Variants in XKR4 observed in about 807,000 individuals in gnomAD.
The protein encoded by XKR4 is XK related 4, also known as XK-related protein 4.
XKR4 carries 12 observed loss-of-function variants against 53.9 expected under a neutral mutation model. The observed-to-expected ratio is 0.22, with a 90% CI of 0.14 to 0.36. The LOEUF is 0.36. XKR4 is among the 10% of genes least tolerant of loss of function. XKR4 has a pLI of 1.00. For missense variants in XKR4, 799 were observed against 859.5 expected, an observed-to-expected ratio of 0.93 and a Z score of 0.88; for synonymous variants, 354 against 362.4, an observed-to-expected ratio of 0.98 and a Z score of 0.26.
At chr8:55,231,267 A>C (rs534947402) in intron 1 of XKR4, among the ~76,000 whole-genome samples, 1 of 152,226 alleles carries the variant, frequency 6.6e-6, no homozygotes, top group African/African-American at 2.4e-5. Flanking sequence ...TACGCAATTG[A>C]AACCTTTCCT....
intron 1 of XKR4, among the ~76,000 whole-genome samples, chr8:55,103,557 C>T (rs1310968125): frequency 2.0e-5 from 3 of 152,060 alleles, no homozygotes; most frequent in Non-Finnish European, 2.9e-5. Context: ...CTCTGCCTTA[C>T]TGGCTTCTTG....
rs147598405 is a variant in XKR4, at chr8:55,239,373, CT to C, written c.807-118299del. ...AAAGCCTGTGCTCAACCATATGATA[CT>C]TTTTTATATGCAAAAGACATACTGC... On this transcript the variant is annotated intron_variant, in intron 1 of 2. Coordinates refer to ENST00000327381, the MANE Select transcript of XKR4 (RefSeq NM_052898.2). Among the ~76,000 whole-genome samples the C allele has an allele frequency of 9.6e-3, 1,455 of 152,304 alleles. 18 individuals carry two copies. The highest frequency in any genetic ancestry group is 0.031 in the Middle Eastern group (9 of 294).
intron 2 of XKR4, among the ~76,000 whole-genome samples, chr8:55,447,918 C>T (rs979331873): frequency 1.3e-5 from 2 of 152,152 alleles, no homozygotes; most frequent in African/African-American, 4.8e-5. Context: ...GTAACATTAA[C>T]CTCTCACAGT....
At chr8:55,444,723 G>A (rs959156049) in intron 2 of XKR4, among the ~76,000 whole-genome samples, 1 of 152,140 alleles carries the variant, frequency 6.6e-6, no homozygotes, top group Non-Finnish European at 1.5e-5. Context: ...CTGCTAATGG[G>A]AATGTATGTT....
At chr8:55,159,166 G>C (rs1023629162) in intron 1 of XKR4, among the ~76,000 whole-genome samples, 1 of 152,042 alleles carries the variant, frequency 6.6e-6, no homozygotes, top group Non-Finnish European at 1.5e-5. Flanking sequence ...GCAGTATTTT[G>C]TATCTCCACA....
In XKR4 at chr8:55,474,626, G is replaced by A. The variant is rs2939660; in HGVS notation, c.1007-48655G>A. Among the ~76,000 whole-genome samples the A allele has an allele frequency of 3.2e-3, 492 of 152,256 alleles. 3 individuals carry two copies. Among genetic ancestry groups the A allele is most frequent in the Non-Finnish European group, 4.8e-3 (325 of 68,020 alleles). Reference sequence around the variant, plus strand: ...ATAGACAAAAATTGGGGGCATTTAAGTTATTATTGGAGCAGATGCTGAGTA... The same window carrying A: ...ATAGACAAAAATTGGGGGCATTTAAATTATTATTGGAGCAGATGCTGAGTA... On this transcript the variant is annotated intron_variant, in intron 2 of 2. Transcript: ENST00000327381.
intron 1 of XKR4, among the ~76,000 whole-genome samples, chr8:55,156,096 G>A (rs561126349): frequency 1.3e-5 from 2 of 152,210 alleles, no homozygotes; most frequent in Admixed American, 6.5e-5. Context: ...AACCCAGGAA[G>A]GTGGCCTTTA....
chr8:55,436,903 G>A (rs558874698), intron 2 of XKR4, among the ~76,000 whole-genome samples: 1 of 152,242 alleles, frequency 6.6e-6, no homozygotes, highest in East Asian at 1.9e-4. Flanking sequence ...CATTCTGAGG[G>A]GGGTCTCAGA....
rs1332251065 is a variant in XKR4 at position 55,428,896 on chromosome 8, A to C, written c.1006+71019A>C. 2.0e-5 allele frequency among the ~76,000 whole-genome samples: 3 copies of C among 152,268 alleles called. No individual in the cohort carries two copies. The East Asian group carries it at 5.8e-4, about 29-fold the overall frequency. ...ATGCAATTCCTATCAAAATCTCAGCAATAGTGTTTCTAGATAAAGACAAAA... is the reference window on the plus strand; with the variant it reads ...ATGCAATTCCTATCAAAATCTCAGCCATAGTGTTTCTAGATAAAGACAAAA... On this transcript the variant is annotated intron_variant, in intron 2 of 2. Coordinates refer to ENST00000327381, the MANE Select transcript of XKR4 (RefSeq NM_052898.2).
chr8:55,464,909 C>T (rs1425181839), intron 2 of XKR4, among the ~76,000 whole-genome samples: 5 of 152,026 alleles, frequency 3.3e-5, no homozygotes, highest in African/African-American at 7.3e-5. Context: ...GAATAAAATA[C>T]CTAGGAATCC....
intron 2 of XKR4, among the ~76,000 whole-genome samples, chr8:55,381,543 C>T (rs558503073): frequency 1.3e-3 from 194 of 152,208 alleles, no homozygotes; most frequent in Non-Finnish European, 2.3e-3. Flanking sequence ...TTTTGATGTC[C>T]GAGGGGAGGA....
At chr8:55,216,834 C>T (rs966098277) in intron 1 of XKR4, among the ~76,000 whole-genome samples, 4 of 149,176 alleles carry the variant, frequency 2.7e-5, no homozygotes. Flanking sequence ...AATGGAAAAG[C>T]AAGTCATGAG....
At chr8:55,187,515 C>T (rs148715208) in intron 1 of XKR4, among the ~76,000 whole-genome samples, 1 of 152,218 alleles carries the variant, frequency 6.6e-6, no homozygotes, top group East Asian at 1.9e-4. Flanking sequence ...TGAGTCAAGT[C>T]GACCAGTGTC....
chr8:55,437,642 A>G (rs908057825), intron 2 of XKR4, among the ~76,000 whole-genome samples: 9 of 152,220 alleles, frequency 5.9e-5, no homozygotes, highest in Non-Finnish European at 4.4e-5. Context: ...TAAGCTGCAC[A>G]ATGCTAGTTA....
At chr8:55,355,732 A>T (rs1042908138) in intron 1 of XKR4, among the ~76,000 whole-genome samples, 2 of 152,322 alleles carry the variant, frequency 1.3e-5, no homozygotes, top group African/African-American at 4.8e-5. Flanking sequence ...GGCTCAAATA[A>T]ATAAATGGCA....
intron 2 of XKR4, chr8:55,449,504 G>A (rs922263962): frequency 3.0e-6 from 4 of 1,355,300 alleles, no homozygotes; most frequent in Non-Finnish European, 2.1e-6. Flanking sequence ...GCAAGGTCGG[G>A]AGGCTCAGGC....
chr8:55,163,684 A>G (rs1585913689), intron 1 of XKR4, among the ~76,000 whole-genome samples: 1 of 152,230 alleles, frequency 6.6e-6, no homozygotes, highest in East Asian at 1.9e-4. Flanking sequence ...TGTCTCTACA[A>G]AAATACAAAA....
At chr8:55,453,400 C>T in intron 2 of XKR4, 1 of 432,392 alleles carries the variant, frequency 2.3e-6, no homozygotes, top group Non-Finnish European at 4.8e-6. Context: ...AGGCAGCTCA[C>T]CACTTCAGGG....
At chr8:55,291,946 T>C (rs78220231) in intron 1 of XKR4, among the ~76,000 whole-genome samples, 1 of 152,174 alleles carries the variant, frequency 6.6e-6, no homozygotes, top group African/African-American at 2.4e-5. Context: ...GATATGATCA[T>C]GTGATTCTTC....
Sources: gnomAD v4.1 joint callset for allele counts (sites outside exome capture counted in the v4.1 genomes callset) on GRCh38, gnomAD v4.1.1 for gene constraint, MANE v1.5 for transcripts, NCBI Gene and HGNC (gene_info 2026-07-23, HGNC 2026-07-21) for gene names.